UQCC1: variants seen among roughly 807,000 people sequenced by gnomAD.
UQCC1 encodes the protein bFGF-repressed Zic-binding protein.
In UQCC1, 38 loss-of-function variants were observed where a neutral mutation model predicts 48.0. The ratio of observed to expected loss-of-function variants is 0.79; its 90% CI spans 0.61 to 1.04. The LOEUF is 1.04. UQCC1 is among the 50% of genes least tolerant of loss of function. UQCC1 has a pLI of 0.00. For missense variants in UQCC1, 368 were observed against 381.8 expected (o/e 0.96, Z 0.30); for synonymous variants, 111 against 129.2 (o/e 0.86, Z 0.95).
At position 35,384,112 on chromosome 20, in the gene UQCC1, G is replaced by A. The variant is rs2146489302; in HGVS notation, c.151C>T (p.Arg51Ter). 3 of 1,612,600 alleles carry A rather than the reference G, an allele frequency of 1.9e-6. No individual in the cohort carries two copies. Among genetic ancestry groups the A allele is most frequent in the East Asian group, 4.5e-5 (2 of 44,862 alleles). ...ATCTGTTCTGATCCACCACATGCTC[G>A]GGACTGGCTCATCTGGGGCCACTGA... ...TSQWPQMSQS[R>*]ACGGSEQIPG... The change falls in exon 3 of 10, where the codon CGA (arginine) becomes TGA (stop). Residue 51 changes from arginine to a stop codon, truncating the protein, a stop_gained. Transcript: ENST00000374385. LOFTEE classifies it high-confidence loss of function.
At chr20:35,381,781 T>C (rs775413794) in intron 4 of UQCC1, 137 bp downstream of exon 4, 3 of 639,988 alleles carry the variant, frequency 4.7e-6, no homozygotes, top group Non-Finnish European at 8.4e-6. Context: ...GGGTGACAGA[T>C]GTCGCAGCTA....
chr20:35,358,790 C>A (rs544940612), intron 6 of UQCC1, among the ~76,000 whole-genome samples: 78 of 152,278 alleles, frequency 5.1e-4, no homozygotes, highest in African/African-American at 1.7e-3. Context: ...AAACTCCCGA[C>A]CTCAAGTGAT....
rs192036903 is a variant in UQCC1 at position 35,384,698 on chromosome 20, G to A, written c.130-565C>T. ...AGAGTGAATTCAAAGGCCAGGTGGCGTGGCTCACACCTGTAATCCCAGCAC... is the reference window on the plus strand; with the variant it reads ...AGAGTGAATTCAAAGGCCAGGTGGCATGGCTCACACCTGTAATCCCAGCAC... On this transcript the variant is annotated intron_variant, in intron 2 of 9. Transcript: ENST00000374385. 236 of 446,386 alleles carry A rather than the reference G, an allele frequency of 5.3e-4. 1 individual carries two copies. The highest frequency in any genetic ancestry group is 4.3e-3 in the African/African-American group (210 of 49,196). The allele number at this position is 446,386 out of a possible 1,614,324, so 27.7% of individuals were successfully genotyped here. A position where few individuals can be genotyped will look rare whatever the true frequency, so the allele number is the denominator to read the frequency against.
chr20:35,379,440 C>T (rs2061840581), intron 4 of UQCC1, among the ~76,000 whole-genome samples: 1 of 152,194 alleles, frequency 6.6e-6, no homozygotes, highest in Non-Finnish European at 1.5e-5. Context: ...TGAAAAGTTA[C>T]ACATACATTT....
intron 4 of UQCC1, among the ~76,000 whole-genome samples, chr20:35,380,355 C>T (rs534858501): frequency 3.3e-4 from 51 of 152,256 alleles, no homozygotes; most frequent in African/African-American, 1.2e-3. Context: ...ACCTTAGGGA[C>T]TCAAGAACAT....
At chr20:35,386,028 C>T (rs770450756) in intron 2 of UQCC1, among the ~76,000 whole-genome samples, 4 of 151,730 alleles carry the variant, frequency 2.6e-5, no homozygotes, top group African/African-American at 7.3e-5. Context: ...TCAGACTGCA[C>T]GGTTTACTCA....
intron 9 of UQCC1, among the ~76,000 whole-genome samples, chr20:35,305,979 G>A (rs1176087990): frequency 2.0e-5 from 3 of 152,164 alleles, no homozygotes; most frequent in Non-Finnish European, 4.4e-5. Context: ...TGTCCTCTTC[G>A]CTGCCAGTCA....
At chr20:35,334,653 T>C (rs1418365535) in intron 7 of UQCC1, among the ~76,000 whole-genome samples, 2 of 152,348 alleles carry the variant, frequency 1.3e-5, no homozygotes, top group Middle Eastern at 3.4e-3. Flanking sequence ...TAGGGAGTCA[T>C]GGAAAATGTC....
intron 6 of UQCC1, among the ~76,000 whole-genome samples, chr20:35,358,416 C>CA (rs1459318701): frequency 1.3e-4 from 8 of 61,500 alleles, no homozygotes; most frequent in Middle Eastern, 8.9e-3. Flanking sequence ...ATCCAGGAAA[C>CA]AAAAAAAATG....
chr20:35,386,906 C>G (rs1176916540), intron 2 of UQCC1, among the ~76,000 whole-genome samples: 1 of 151,926 alleles, frequency 6.6e-6, no homozygotes, highest in Non-Finnish European at 1.5e-5. Context: ...TTTGTACTAC[C>G]CACTCTTGTC....
chr20:35,357,000 C>T (rs1164087620), intron 6 of UQCC1, among the ~76,000 whole-genome samples: 1 of 152,194 alleles, frequency 6.6e-6, no homozygotes, highest in East Asian at 1.9e-4. Flanking sequence ...ACAGGTACAA[C>T]TCAGAGACAA....
At chr20:35,362,865 A>G (rs987965849) in intron 6 of UQCC1, among the ~76,000 whole-genome samples, 3 of 152,074 alleles carry the variant, frequency 2.0e-5, no homozygotes, top group African/African-American at 7.2e-5. Flanking sequence ...GACATTATCA[A>G]TGTCTGTTTA....
chr20:35,400,836 C>T (rs769196730), intron 1 of UQCC1, among the ~76,000 whole-genome samples: 4 of 152,112 alleles, frequency 2.6e-5, no homozygotes, highest in Non-Finnish European at 4.4e-5. Context: ...TTTCGTTTCC[C>T]GTGCACATTG....
chr20:35,333,004 G>C (rs1372688642), intron 7 of UQCC1, among the ~76,000 whole-genome samples: 1 of 151,798 alleles, frequency 6.6e-6, no homozygotes, highest in African/African-American at 2.4e-5. Flanking sequence ...TCTATCAATG[G>C]ATCAGTTAGT....
chr20:35,316,529 C>T (rs771712610), intron 7 of UQCC1, among the ~76,000 whole-genome samples: 3 of 152,144 alleles, frequency 2.0e-5, no homozygotes, highest in Non-Finnish European at 4.4e-5. Context: ...TAACTAGTCT[C>T]GGAAGAAATG....
At chr20:35,397,700 T>C (rs894909562) in intron 1 of UQCC1, among the ~76,000 whole-genome samples, 1 of 152,070 alleles carries the variant, frequency 6.6e-6, no homozygotes, top group African/African-American at 2.4e-5. Flanking sequence ...GGAATATATA[T>C]AGGTTATATG....
Position 35,347,160 on chromosome 20 carries a change from T to C in UQCC1, c.573+4A>G. The C allele has an allele frequency of 1.2e-6, 2 of 1,614,168 alleles. No homozygotes were observed. Among genetic ancestry groups the C allele is most frequent in the South Asian group, 1.1e-5 (1 of 91,082 alleles). On this transcript the variant is annotated splice_donor_region_variant and intron_variant, in intron 7 of 9. Transcript: ENST00000374385. ...AGGACAAGCATCTGACAGCACTCAC[T>C]TACCCCCATGACTCTGCCGCGCTGC...
chr20:35,343,785 A>G (rs1282423116), intron 7 of UQCC1, among the ~76,000 whole-genome samples: 1 of 152,206 alleles, frequency 6.6e-6, no homozygotes, highest in African/African-American at 2.4e-5. Context: ...CACTAGCAAC[A>G]TCCGCATCAC....
At chr20:35,397,670 G>C (rs1279724136) in intron 1 of UQCC1, among the ~76,000 whole-genome samples, 1 of 151,710 alleles carries the variant, frequency 6.6e-6, no homozygotes, top group Admixed American at 6.6e-5. Context: ...GTAATCTAGA[G>C]ATTATTTAAA....
Sources: gnomAD v4.1 joint callset for allele counts (sites outside exome capture counted in the v4.1 genomes callset) on GRCh38, gnomAD v4.1.1 for gene constraint, MANE v1.5 for transcripts, NCBI Gene and HGNC (gene_info 2026-07-23, HGNC 2026-07-21) for gene names.